NEK7: variants seen among roughly 807,000 people sequenced by gnomAD.
NEK7 encodes NIMA related kinase 7.
In NEK7, 18 loss-of-function variants were observed where a neutral mutation model predicts 44.6. The ratio of observed to expected loss-of-function variants is 0.40; its 90% CI spans 0.28 to 0.60. The LOEUF (loss-of-function observed/expected upper bound fraction) is 0.60, where lower values mean the gene tolerates loss of function less well. Ranked by LOEUF, NEK7 falls within the 20% of genes least tolerant of loss-of-function variation. The pLI, the probability that NEK7 is intolerant of heterozygous loss-of-function variation, is 0.38. For missense variants in NEK7, 256 were observed against 366.5 expected, an observed-to-expected ratio of 0.70 and a Z score of 2.46; for synonymous variants, 130 against 121.1, an observed-to-expected ratio of 1.07 and a Z score of -0.48.
rs541902210 is a variant in NEK7, at chr1:198,252,857, G to T, written c.58-183G>T. On this transcript the variant is annotated intron_variant, in intron 2 of 9. Coordinates refer to ENST00000367385, the MANE Select transcript of NEK7 (RefSeq NM_133494.3). Reference sequence around the variant, plus strand: ...ACAGGGATTATTGTCTCTCTAGTCTGCTACTGTATCGTCAGTGTGTAGGAC... The same window carrying T: ...ACAGGGATTATTGTCTCTCTAGTCTTCTACTGTATCGTCAGTGTGTAGGAC... Among the ~76,000 whole-genome samples the T allele has an allele frequency of 1.1e-4, 17 of 151,844 alleles. 1 individual carries two copies. The highest frequency in any genetic ancestry group is 3.9e-4 in the African/African-American group (16 of 41,384).
At chr1:198,237,543 G>T (rs921822145) in intron 2 of NEK7, among the ~76,000 whole-genome samples, 3 of 152,130 alleles carry the variant, frequency 2.0e-5, no homozygotes, top group African/African-American at 7.2e-5. Flanking sequence ...CATACTTAAT[G>T]TTAGCAGATA....
rs759234492 is a variant in NEK7, at chr1:198,232,579, C to G, written c.-2C>G. The stretch of plus-strand genomic sequence containing the variant: ...GTTCTAAAGTTCCTGTTGCTTCAGA[C>G]AATGGATGAGCAATCACAAGGAATG... On this transcript the variant is annotated 5_prime_UTR_variant, in exon 2 of 10. Transcript: ENST00000367385. 1 of 1,595,904 alleles carries G rather than the reference C, an allele frequency of 6.3e-7. No homozygotes were observed. Among genetic ancestry groups the G allele is most frequent in the African/African-American group, 1.3e-5 (1 of 74,438 alleles).
At chr1:198,165,014 G>A (rs998422352) in intron 1 of NEK7, among the ~76,000 whole-genome samples, 3 of 152,188 alleles carry the variant, frequency 2.0e-5, no homozygotes, top group Non-Finnish European at 2.9e-5. Context: ...GTCTTAAGAC[G>A]CATTTTCTTT....
intron 5 of NEK7, among the ~76,000 whole-genome samples, chr1:198,265,705 C>T (rs2102954060): frequency 6.6e-6 from 1 of 152,184 alleles, no homozygotes; most frequent in South Asian, 2.1e-4. Flanking sequence ...AGTCTGGCTT[C>T]CTGCAAGTCT....
chr1:198,302,054 G>A (rs1261952668), intron 9 of NEK7, among the ~76,000 whole-genome samples: 1 of 152,172 alleles, frequency 6.6e-6, no homozygotes, highest in Admixed American at 6.5e-5. Flanking sequence ...TATTAACCCA[G>A]TGATCAGTTT....
At chr1:198,246,158 A>G (rs960113983) in intron 2 of NEK7, among the ~76,000 whole-genome samples, 5 of 152,240 alleles carry the variant, frequency 3.3e-5, no homozygotes, top group Non-Finnish European at 5.9e-5. Flanking sequence ...ACCGAAGTAT[A>G]TAGATATATT....
chr1:198,290,625 G>A (rs1654524958), intron 7 of NEK7, among the ~76,000 whole-genome samples: 1 of 152,020 alleles, frequency 6.6e-6, no homozygotes, highest in East Asian at 1.9e-4. Flanking sequence ...GTTCCCTAGT[G>A]AATTATGAAT....
At position 198,303,603 on chromosome 1, in the gene NEK7, T is replaced by C. The variant is rs183121928; in HGVS notation, c.798+6363T>C. Among the ~76,000 whole-genome samples, 27 of 152,246 alleles carry C rather than the reference T, an allele frequency of 1.8e-4. No homozygotes were observed. The East Asian group carries it at 4.8e-3, about 27-fold the overall frequency. ...GAGCAGTCCAAATATTTTTAGTTTG[T>C]AATTGCTAGATTTACAAATTTTAAT... On this transcript the variant is annotated intron_variant, in intron 9 of 9. Transcript: ENST00000367385.
intron 1 of NEK7, among the ~76,000 whole-genome samples, chr1:198,168,758 T>C (rs1257080498): frequency 1.3e-5 from 2 of 152,234 alleles, no homozygotes; most frequent in African/African-American, 4.8e-5. Context: ...AAAGATAAAT[T>C]TGGGAGTTGT....
intron 9 of NEK7, among the ~76,000 whole-genome samples, chr1:198,312,144 A>C (rs1040975283): frequency 2.6e-5 from 4 of 152,124 alleles, no homozygotes; most frequent in Admixed American, 1.3e-4. Flanking sequence ...CAGAGATTCA[A>C]CTTCTTCCTG....
At chr1:198,303,419 G>A (rs1025251569) in intron 9 of NEK7, among the ~76,000 whole-genome samples, 1 of 151,566 alleles carries the variant, frequency 6.6e-6, no homozygotes, top group Admixed American at 6.6e-5. Context: ...AGATTTTTAA[G>A]GGAGTTAAGT....
At chr1:198,297,882 T>TA (rs1181906264) in intron 9 of NEK7, among the ~76,000 whole-genome samples, 1 of 152,242 alleles carries the variant, frequency 6.6e-6, no homozygotes. Flanking sequence ...AAGGCTACCT[T>TA]ATTAAGATCT....
At chr1:198,210,341 T>C (rs1665725865) in intron 1 of NEK7, among the ~76,000 whole-genome samples, 1 of 152,186 alleles carries the variant, frequency 6.6e-6, no homozygotes, top group African/African-American at 2.4e-5. Context: ...TCCCTTGGGC[T>C]CCTGAAGTGC....
chr1:198,259,467 A>G (rs193142875), intron 3 of NEK7, among the ~76,000 whole-genome samples: 191 of 152,300 alleles, frequency 1.3e-3, no homozygotes, highest in African/African-American at 4.4e-3. Context: ...AATTACATCA[A>G]GATCTGATAT....
Position 198,216,786 on chromosome 1 carries a change from T to C in NEK7, c.-28-15767T>C, listed in dbSNP as rs776251297. On this transcript the variant is annotated intron_variant, in intron 1 of 9. Transcript: ENST00000367385. ...ATCAATATCACAGAAATACAAAAGA[T>C]CATTTGACATTACTATGAACACCTT... Among the ~76,000 whole-genome samples, 61 of 151,804 alleles carry C rather than the reference T, an allele frequency of 4.0e-4. 1 individual carries two copies. Among genetic ancestry groups the C allele is most frequent in the Admixed American group, 2.0e-4 (3 of 15,234 alleles).
intron 9 of NEK7, among the ~76,000 whole-genome samples, chr1:198,315,034 C>T (rs1008439213): frequency 6.6e-6 from 1 of 152,184 alleles, no homozygotes; most frequent in Non-Finnish European, 1.5e-5. Context: ...CCCCCAGCCT[C>T]GCCGCCACCT....
intron 1 of NEK7, among the ~76,000 whole-genome samples, chr1:198,169,331 C>T (rs774881127): frequency 3.9e-5 from 6 of 152,188 alleles, no homozygotes; most frequent in Non-Finnish European, 8.8e-5. Flanking sequence ...TGGATCACCA[C>T]TGTCAGATAT....
chr1:198,219,500 C>T (rs1485246993), intron 1 of NEK7, among the ~76,000 whole-genome samples: 1 of 149,864 alleles, frequency 6.7e-6, no homozygotes, highest in African/African-American at 2.4e-5. Context: ...GGGAGCTAAA[C>T]TATGGGTACA....
chr1:198,234,891 A>G (rs1666503403), intron 2 of NEK7, among the ~76,000 whole-genome samples: 1 of 152,208 alleles, frequency 6.6e-6, no homozygotes, highest in Non-Finnish European at 1.5e-5. Flanking sequence ...AGTGTAAGAA[A>G]GATTACCTGA....
Sources: allele counts gnomAD v4.1 joint callset (sites outside exome capture counted in the v4.1 genomes callset), GRCh38; gene constraint gnomAD v4.1.1; transcripts MANE v1.5; gene names NCBI Gene and HGNC (gene_info 2026-07-23, HGNC 2026-07-21).